The following CROCC variants were observed in gnomAD, a reference collection of about 807,000 sequenced individuals.
CROCC encodes ciliary rootlet coiled-coil, rootletin.
A neutral mutation model predicts 245.2 loss-of-function variants in CROCC; 180 were observed. The ratio of observed to expected loss-of-function variants is 0.73; its 90% CI spans 0.65 to 0.83. CROCC has a LOEUF of 0.83. CROCC is among the 40% of genes least tolerant of loss of function. CROCC has a pLI of 0.00. For missense variants in CROCC, 2,688 were observed against 2,779.4 expected, an observed-to-expected ratio of 0.97 and a Z score of 0.74; for synonymous variants, 1,205 against 1,241.6, an observed-to-expected ratio of 0.97 and a Z score of 0.62.
Position 16,969,764 on chromosome 1 carries a change from C to G in CROCC, c.5302-21C>G, listed in dbSNP as rs200704110. The G allele has an allele frequency of 3.1e-6, 5 of 1,606,312 alleles. No individual in the cohort carries two copies. In the African/African-American group the frequency reaches 6.7e-5, roughly 21 times the overall value. ...TTAGGGCTCCCAGGCCAGCCAGGCACCATCAGCCCCTGTCCCCCAGGAACG... is the reference window on the plus strand; with the variant it reads ...TTAGGGCTCCCAGGCCAGCCAGGCAGCATCAGCCCCTGTCCCCCAGGAACG... On this transcript the variant is annotated intron_variant, in intron 32 of 36. Coordinates refer to ENST00000375541, the MANE Select transcript of CROCC (RefSeq NM_014675.5).
In CROCC at chr1:16,948,434, C is replaced by G. The variant is rs368941713; in HGVS notation, c.2618C>G (p.Ala873Gly). The part of the protein sequence containing the change: ...ALERAAREKE[A>G]LAKEHAGLAV... The stretch of plus-strand genomic sequence containing the variant: ...GAGCGAGCGGCCCGTGAGAAGGAGG[C>G]GCTAGCCAAGGAGCACGCTGGCCTG... The change falls in exon 18 of 37, where the codon GCG (alanine) becomes GGG (glycine). Residue 873 changes from alanine to glycine, a missense_variant. By Grantham distance (60) the Ala-to-Gly change is moderately conservative. Around this residue, in one of 9 missense-constraint regions of CROCC, gnomAD observed 295 missense variants for 241.7 expected, o/e 1.22. Coordinates refer to ENST00000375541, the MANE Select transcript of CROCC (RefSeq NM_014675.5). 1.3e-6 allele frequency: 2 copies of G among 1,568,688 alleles called. No homozygotes were observed. Among genetic ancestry groups the G allele is most frequent in the Admixed American group, 3.7e-5 (2 of 53,746 alleles).
At chr1:16,943,550 TAAAAC>T (rs1309447373) in intron 13 of CROCC, among the ~76,000 whole-genome samples, 28 of 147,864 alleles carry the variant, frequency 1.9e-4, no homozygotes, top group East Asian at 1.4e-3. Flanking sequence ...AAAAAAAAAA[TAAAAC>T]AAAATCACGC....
At position 16,948,898 on chromosome 1, in the gene CROCC, C is replaced by G. The variant is rs975088997; in HGVS notation, c.2808C>G (p.Ala936=). The change falls in exon 19 of 37, where the codon GCC becomes GCG. Residue 936 remains alanine (A), a synonymous_variant. Coordinates refer to ENST00000375541, the MANE Select transcript of CROCC (RefSeq NM_014675.5). ...AGCAGCTGGAAGCCGAGGGGCAGGC[C>G]CTGCTGCTGGCCAAGGAGACCCTGA... ...RREQLEAEGQ[A]LLLAKETLTG... The G allele has an allele frequency of 9.3e-6, 15 of 1,611,418 alleles. No individual in the cohort carries two copies. Among genetic ancestry groups the G allele is most frequent in the African/African-American group, 2.7e-5 (2 of 74,904 alleles).
intron 25 of CROCC, among the ~76,000 whole-genome samples, chr1:16,957,998 C>T (rs889799290): frequency 2.7e-5 from 4 of 148,664 alleles, no homozygotes; most frequent in African/African-American, 1.0e-4. Context: ...GGCAGTACCC[C>T]TCCCTGCTCC....
At chr1:16,938,139 C>A (rs1177153226) in intron 10 of CROCC, among the ~76,000 whole-genome samples, 1 of 150,162 alleles carries the variant, frequency 6.7e-6, no homozygotes, top group South Asian at 2.2e-4. Context: ...TTTGGTCACC[C>A]CTCTGTGTGG....
At chr1:16,937,090 C>T (rs1162290195) in intron 9 of CROCC, among the ~76,000 whole-genome samples, 1 of 152,290 alleles carries the variant, frequency 6.6e-6, no homozygotes, top group Non-Finnish European at 1.5e-5. Context: ...TGTGGTGGCT[C>T]ACACCTGTAA....
intron 1 of CROCC, among the ~76,000 whole-genome samples, chr1:16,914,274 G>C (rs1451115266): frequency 1.3e-5 from 2 of 152,158 alleles, no homozygotes; most frequent in Non-Finnish European, 2.9e-5. Flanking sequence ...GCCGCGGCCC[G>C]GCACCGGAGG....
chr1:16,963,840 T>C (rs567225762), intron 27 of CROCC, among the ~76,000 whole-genome samples: 143 of 152,228 alleles, frequency 9.4e-4, no homozygotes, highest in African/African-American at 3.4e-3. Flanking sequence ...CTATTGCCTA[T>C]GCTGGAGTGC....
chr1:16,946,003 C>G (rs780532371), intron 15 of CROCC, among the ~76,000 whole-genome samples: 48 of 152,412 alleles, frequency 3.1e-4, no homozygotes, highest in Admixed American at 5.2e-4. Context: ...AGACCCTACT[C>G]AGGGGATCCT....
rs751282618 is a variant in CROCC at position 16,968,300 on chromosome 1, A to G, written c.4958A>G (p.Lys1653Arg). The change falls in exon 31 of 37, where the codon AAG (lysine) becomes AGG (arginine). Residue 1653 changes from lysine to arginine, a missense_variant. Coordinates refer to ENST00000375541, the MANE Select transcript of CROCC (RefSeq NM_014675.5). ...VLDASESRTV[K>R]LELQRRSLEG... Reference sequence around the variant, plus strand: ...GACGCCTCCGAGAGCCGCACTGTCAAGCTGGAGCTGCAGCGGCGCTCGCTT... The same window carrying G: ...GACGCCTCCGAGAGCCGCACTGTCAGGCTGGAGCTGCAGCGGCGCTCGCTT... 6 of 1,552,472 alleles carry G rather than the reference A, an allele frequency of 3.9e-6. No individual in the cohort carries two copies. In the South Asian group the frequency reaches 7.1e-5, roughly 18 times the overall value.
At position 16,966,032 on chromosome 1, in the gene CROCC, C is replaced by T. The variant is rs764279779; in HGVS notation, c.4609C>T (p.Arg1537Cys). The T allele has an allele frequency of 8.1e-6, 13 of 1,613,852 alleles. No homozygotes were observed. Among genetic ancestry groups the T allele is most frequent in the East Asian group, 6.7e-5 (3 of 44,872 alleles). ...TCGGACCCAGACCAGTGCCCTGAAT[C>T]GCCAGCTGGCCGAGATGGAGGCTGA... ...ELRTQTSALN[R>C]QLAEMEAERD... The change falls in exon 29 of 37, where the codon CGC becomes TGC. Residue 1537 changes from arginine (R) to cysteine (C), a missense_variant. Physicochemically the swap from Arg to Cys is radical, Grantham distance 180. This residue lies in a region of CROCC where 1,218 missense variants were observed against 1,286.3 expected (regional missense o/e 0.95). Coordinates refer to ENST00000375541, the MANE Select transcript of CROCC (RefSeq NM_014675.5). This position sits in a 1 kb window ranked among gnomAD's most constrained non-coding sequence, Gnocchi z 4.8.
At chr1:16,962,071 GT>G (rs1190179216) in intron 27 of CROCC, among the ~76,000 whole-genome samples, 3 of 132,222 alleles carry the variant, frequency 2.3e-5, no homozygotes, top group Non-Finnish European at 4.9e-5. Flanking sequence ...TATTCTTTTT[GT>G]TTTTTTTTGA....
intron 12 of CROCC, 103 bp downstream of exon 12, chr1:16,939,245 C>G (rs1339175678): frequency 9.3e-7 from 1 of 1,070,058 alleles, no homozygotes; most frequent in African/African-American, 1.7e-5. Flanking sequence ...GGGCCAGGGT[C>G]CGAGGGAGGA....
Position 16,968,255 on chromosome 1 carries a change from G to A in CROCC, c.4913G>A (p.Arg1638Gln), listed in dbSNP as rs774562633. 6 of 1,566,720 alleles carry A rather than the reference G, an allele frequency of 3.8e-6. No homozygotes were observed. The highest frequency in any genetic ancestry group is 2.4e-5 in the East Asian group (1 of 42,386). Residue 1638 changes from arginine (R) to glutamine (Q), a missense_variant, in exon 31 of 37, where the codon CGG becomes CAG. This residue lies in a region of CROCC where 1,218 missense variants were observed against 1,286.3 expected (regional missense o/e 0.95). Coordinates refer to ENST00000375541, the MANE Select transcript of CROCC (RefSeq NM_014675.5). ...ANETKLEGDK[R>Q]RLKEVLDASE... ...GAGACAAAGCTGGAGGGCGACAAGC[G>A]GCGCCTGAAGGAGGTTCTGGACGCC... is the stretch of plus-strand genomic sequence containing the variant.
intron 1 of CROCC, among the ~76,000 whole-genome samples, chr1:16,915,948 G>C (rs1210492382): frequency 6.6e-6 from 1 of 152,280 alleles, no homozygotes; most frequent in Non-Finnish European, 1.5e-5. Flanking sequence ...GGAGGCTAAG[G>C]TGGGTGGATC....
intron 25 of CROCC, among the ~76,000 whole-genome samples, chr1:16,957,842 A>T (rs2076271592): frequency 6.6e-6 from 1 of 152,226 alleles, no homozygotes. Context: ...ATAGCCAGAG[A>T]TACCACAGCC....
chr1:16,930,145 T>G lies in CROCC; in HGVS notation c.559T>G (p.Cys187Gly). The G allele has an allele frequency of 6.3e-7, 1 of 1,594,028 alleles. No homozygotes were observed. The highest frequency in any genetic ancestry group is 2.3e-5 in the East Asian group (1 of 44,110). Reference sequence around the variant, plus strand: ...CCAGATTCTCCAGTACAAGAAGAGGTGCTCGGAGCTGGAGCAGCAGCTGCT... The same window carrying G: ...CCAGATTCTCCAGTACAAGAAGAGGGGCTCGGAGCTGGAGCAGCAGCTGCT... ...QGKILQYKKR[C>G]SELEQQLLER... Residue 187 changes from cysteine (C) to glycine (G), a missense_variant, in exon 5 of 37, where the codon TGC becomes GGC. Physicochemically the swap from Cys to Gly is radical, Grantham distance 159 (BLOSUM62 -3). Coordinates refer to ENST00000375541, the MANE Select transcript of CROCC (RefSeq NM_014675.5).
intron 17 of CROCC, among the ~76,000 whole-genome samples, chr1:16,947,786 T>G (rs2076082653): frequency 6.6e-6 from 1 of 152,258 alleles, no homozygotes; most frequent in African/African-American, 2.4e-5. Context: ...GTTCTGTTAC[T>G]CCCAGAGCTG....
chr1:16,933,649 C>T (rs1487546402), intron 8 of CROCC, among the ~76,000 whole-genome samples: 1 of 152,262 alleles, frequency 6.6e-6, no homozygotes, highest in Non-Finnish European at 1.5e-5. Flanking sequence ...TCACCACAAC[C>T]TCTCCCTCCT....
Sources: gnomAD v4.1 joint callset for allele counts (sites outside exome capture counted in the v4.1 genomes callset) on GRCh38, gnomAD v4.1.1 for gene constraint, gnomAD v4.1.1 regional missense constraint, Gnocchi (gnomAD v3.1) non-coding constraint, MANE v1.5 for transcripts, NCBI Gene and HGNC (gene_info 2026-07-23, HGNC 2026-07-21) for gene names.